The following TLN2 variants were observed in gnomAD, a reference collection of about 807,000 sequenced individuals.
The protein encoded by TLN2 is talin-2.
TLN2 carries 118 observed loss-of-function variants against 294.7 expected under a neutral mutation model. The ratio of observed to expected loss-of-function variants is 0.40; its 90% CI spans 0.34 to 0.47. The LOEUF is 0.47. Ranked by LOEUF, TLN2 falls within the 20% of genes least tolerant of loss-of-function variation. TLN2 has a pLI of 0.84. For synonymous variants in TLN2, 1,431 were observed against 1,304.5 expected, an observed-to-expected ratio of 1.10 and a Z score of -2.09; for missense variants, 3,083 against 3,282.2, an observed-to-expected ratio of 0.94 and a Z score of 1.48.
At chr15:62,391,939 C>T (rs2032124484) in intron 1 of TLN2, among the ~76,000 whole-genome samples, 1 of 152,192 alleles carries the variant, frequency 6.6e-6, no homozygotes, top group African/African-American at 2.4e-5. Context: ...GAGCGTTCTC[C>T]CGGTGCCCGG....
At chr15:62,819,467 C>G in intron 52 of TLN2, 49 bp from the exon 53 acceptor site, 1 of 1,482,014 alleles carries the variant, frequency 6.7e-7, no homozygotes, top group Non-Finnish European at 9.4e-7. Flanking sequence ...CTTTCCTGTC[C>G]CAGTGGTTAC....
At chr15:62,465,509 T>A (rs778718997) in intron 1 of TLN2, among the ~76,000 whole-genome samples, 11 of 152,216 alleles carry the variant, frequency 7.2e-5, no homozygotes, top group Non-Finnish European at 1.3e-4. Context: ...CTGTGTTCTG[T>A]CGTTCTCGAA....
At chr15:62,578,629 A>G (rs1455482109) in intron 1 of TLN2, among the ~76,000 whole-genome samples, 2 of 152,194 alleles carry the variant, frequency 1.3e-5, no homozygotes, top group Admixed American at 6.5e-5. Flanking sequence ...CTTTAAAGAA[A>G]TACAGGAAAG....
At chr15:62,741,748 C>CGCGCGCGCGTGT in intron 32 of TLN2, among the ~76,000 whole-genome samples, 4 of 131,072 alleles carry the variant, frequency 3.1e-5, no homozygotes, top group African/African-American at 8.8e-5. Context: ...AAAATTTGCG[C>CGCGCGCGCGTGT]GTGTGTGTGT....
At chr15:62,471,233 G>C (rs2037455043) in intron 1 of TLN2, among the ~76,000 whole-genome samples, 1 of 152,140 alleles carries the variant, frequency 6.6e-6, no homozygotes, top group Admixed American at 6.5e-5. Context: ...GCTACTCGGG[G>C]GACTGAGAGG....
At chr15:62,686,525 C>T (rs1404597832) in intron 11 of TLN2, 116 bp from the exon 12 acceptor site, 4 of 1,266,800 alleles carry the variant, frequency 3.2e-6, no homozygotes, top group Non-Finnish European at 4.3e-6. Context: ...TCCCTATAGC[C>T]CTACCTGTTT....
At chr15:62,686,886 G>C in intron 12 of TLN2, 90 bp downstream of exon 12, 1 of 1,518,942 alleles carries the variant, frequency 6.6e-7, no homozygotes, top group Non-Finnish European at 8.8e-7. Flanking sequence ...TGCCCATTGG[G>C]TTTCTCTGGC....
At chr15:62,483,587 C>T (rs972890672) in intron 1 of TLN2, among the ~76,000 whole-genome samples, 4 of 152,252 alleles carry the variant, frequency 2.6e-5, no homozygotes, top group East Asian at 1.9e-4. Flanking sequence ...TACCTTGGGC[C>T]GCCTTGACTT....
intron 2 of TLN2, among the ~76,000 whole-genome samples, chr15:62,606,329 G>A (rs557847069): frequency 6.6e-6 from 1 of 150,946 alleles, no homozygotes; most frequent in African/African-American, 2.4e-5. Context: ...GACCTCAGGC[G>A]ATCCACCCAC....
chr15:62,820,435 G>T, intron 53 of TLN2, 51 bp from the exon 54 acceptor site: 1 of 1,603,334 alleles, frequency 6.2e-7, no homozygotes, highest in South Asian at 1.1e-5. Context: ...TTAAGCCAGT[G>T]CCCTGAGGTC....
At chr15:62,595,273 A>C (rs150657814) in intron 2 of TLN2, among the ~76,000 whole-genome samples, 1 of 152,060 alleles carries the variant, frequency 6.6e-6, no homozygotes, top group East Asian at 1.9e-4. Context: ...TACAAAAATT[A>C]ACCAGACGTG....
chr15:62,562,371 C>T (rs529303083), intron 1 of TLN2, among the ~76,000 whole-genome samples: 2 of 152,142 alleles, frequency 1.3e-5, no homozygotes, highest in African/African-American at 2.4e-5. Flanking sequence ...TTGTGGCCCT[C>T]GTCCTTCACT....
chr15:62,661,249 C>G (rs187667037), intron 9 of TLN2, among the ~76,000 whole-genome samples: 11 of 152,152 alleles, frequency 7.2e-5, no homozygotes, highest in Admixed American at 1.3e-4. Context: ...GAAGGTGACT[C>G]TAGGTGACAG....
Position 62,424,877 on chromosome 15 carries a change from T to G in TLN2, c.-238+34192T>G, listed in dbSNP as rs539650266. Among the ~76,000 whole-genome samples, 31 of 148,340 alleles carry G rather than the reference T, an allele frequency of 2.1e-4. 1 individual carries two copies. The highest frequency in any genetic ancestry group is 2.0e-3 in the Admixed American group (29 of 14,760). On this transcript the variant is annotated intron_variant, in intron 1 of 58. Transcript: ENST00000636159. ...TGTGTTGGCCAGGCTGGTCTTGAAC[T>G]CCTGGTCTCAAATGATCTACTCACC... is the stretch of plus-strand genomic sequence containing the variant.
At chr15:62,574,399 G>A (rs1482485635) in intron 1 of TLN2, among the ~76,000 whole-genome samples, 2 of 151,334 alleles carry the variant, frequency 1.3e-5, no homozygotes, top group Non-Finnish European at 2.9e-5. Flanking sequence ...AACATAGCTA[G>A]ACCCCGCCTC....
In TLN2 at chr15:62,694,266, C is replaced by T. The variant is rs111509637; in HGVS notation, c.1216-50C>T. The T allele has an allele frequency of 2.7e-5, 42 of 1,575,542 alleles. 1 individual carries two copies. In the African/African-American group the frequency reaches 2.7e-4, roughly 10 times the overall value. On this transcript the variant is annotated intron_variant, in intron 13 of 58. Coordinates refer to ENST00000636159, the MANE Select transcript of TLN2 (RefSeq NM_015059.3). Reference sequence around the variant, plus strand: ...TGCTGGGATTAGAGGCGTGAGCCACCGCGCGTGGCCTGGTTTTCATTTTTG... The same window carrying T: ...TGCTGGGATTAGAGGCGTGAGCCACTGCGCGTGGCCTGGTTTTCATTTTTG...
At chr15:62,649,962 C>A in intron 4 of TLN2, 122 bp from the exon 5 acceptor site, 1 of 923,350 alleles carries the variant, frequency 1.1e-6, no homozygotes. Flanking sequence ...CAAAACGAAA[C>A]ATTGCTGTCT....
At chr15:62,697,906 G>C (rs896956202) in intron 15 of TLN2, 38 bp downstream of exon 15, 3 of 1,598,260 alleles carry the variant, frequency 1.9e-6, no homozygotes, top group Non-Finnish European at 2.6e-6. Context: ...TCGTTAGTCT[G>C]CTGCCTCCCG....
intron 1 of TLN2, among the ~76,000 whole-genome samples, chr15:62,568,043 C>G (rs999088474): frequency 6.6e-6 from 1 of 152,158 alleles, no homozygotes; most frequent in Non-Finnish European, 1.5e-5. Flanking sequence ...TTCTCTGAGC[C>G]CACGACCACA....
Sources: gnomAD v4.1 joint callset for allele counts (sites outside exome capture counted in the v4.1 genomes callset) on GRCh38, gnomAD v4.1.1 for gene constraint, MANE v1.5 for transcripts, NCBI Gene and HGNC (gene_info 2026-07-23, HGNC 2026-07-21) for gene names.